Variants in BTRC observed in about 807,000 individuals in gnomAD.
BTRC encodes the protein F-box/WD repeat-containing protein 1A.
Under a neutral mutation model 85.5 loss-of-function variants are expected in BTRC, and 42 were observed. The ratio of observed to expected loss-of-function variants is 0.49; its 90% CI spans 0.38 to 0.64. The LOEUF is 0.64. BTRC is among the 30% of genes least tolerant of loss of function. The probability of loss-of-function intolerance (pLI) is 0.00; values close to 1 mark genes in which losing one functional copy is unlikely to be tolerated. For synonymous variants in BTRC, 255 were observed against 263.3 expected, an observed-to-expected ratio of 0.97 and a Z score of 0.30; for missense variants, 594 against 743.5, an observed-to-expected ratio of 0.80 and a Z score of 2.34.
intron 1 of BTRC, among the ~76,000 whole-genome samples, chr10:101,412,500 A>G (rs1943808590): frequency 6.6e-6 from 1 of 152,234 alleles, no homozygotes; most frequent in Non-Finnish European, 1.5e-5. Flanking sequence ...GTAGGAAGAT[A>G]AGTTTGATAC....
intron 2 of BTRC, among the ~76,000 whole-genome samples, chr10:101,432,953 T>G (rs562401828): frequency 1.3e-5 from 2 of 152,318 alleles, no homozygotes; most frequent in African/African-American, 2.4e-5. Context: ...CATGGCTGAC[T>G]TCTAGTCTCT....
intron 1 of BTRC, among the ~76,000 whole-genome samples, chr10:101,429,566 T>G (rs1212079135): frequency 2.3e-5 from 3 of 131,250 alleles, no homozygotes; most frequent in Admixed American, 1.7e-4. Context: ...TTCTTCTCTC[T>G]CTCTCCTTTC....
chr10:101,411,091 G>A (rs1943765826), intron 1 of BTRC, among the ~76,000 whole-genome samples: 1 of 150,794 alleles, frequency 6.6e-6, no homozygotes, highest in South Asian at 2.1e-4. Context: ...TGCCTCCTGG[G>A]TTCAAGCAGT....
Position 101,526,017 on chromosome 10 carries a change from G to A in BTRC, c.561G>A (p.Arg187=), listed in dbSNP as rs2062186137. 6.2e-7 allele frequency: 1 copy of A among 1,612,990 alleles called. No individual in the cohort carries two copies. Among genetic ancestry groups the A allele is most frequent in the Non-Finnish European group, 8.5e-7 (1 of 1,179,316 alleles). ...QRDFITALPA[R]GLDHIAENIL... Reference sequence around the variant, plus strand: ...GCCTCCTCCCCCTACTGAAAGCTCGGGGATTGGATCATATTGCTGAGAACA... The same window carrying A: ...GCCTCCTCCCCCTACTGAAAGCTCGAGGATTGGATCATATTGCTGAGAACA... Residue 187 remains arginine (R), a synonymous_variant, in exon 6 of 15, where the codon CGG becomes CGA. Transcript: ENST00000370187.
intron 13 of BTRC, among the ~76,000 whole-genome samples, chr10:101,541,496 G>T (rs553394296): frequency 6.6e-6 from 1 of 152,110 alleles, no homozygotes; most frequent in East Asian, 1.9e-4. Flanking sequence ...TCCTGACCTC[G>T]TGATCCAGCC....
chr10:101,533,579 C>G (rs2062334161), intron 9 of BTRC, among the ~76,000 whole-genome samples: 1 of 152,102 alleles, frequency 6.6e-6, no homozygotes, highest in South Asian at 2.1e-4. Flanking sequence ...ATGACACAGC[C>G]ATTATACTGC....
At chr10:101,438,080 T>C (rs1171771813) in intron 2 of BTRC, among the ~76,000 whole-genome samples, 1 of 152,134 alleles carries the variant, frequency 6.6e-6, no homozygotes, top group East Asian at 1.9e-4. Flanking sequence ...TAACAAAAAA[T>C]TCCTGATTGG....
In BTRC at chr10:101,354,207, A is replaced by G. The variant is rs1415748825; in HGVS notation, c.27A>G (p.Gln9=). ...TGGACCCGGCCGAGGCGGTGCTGCA[A>G]GAGAAGGCACTCAAGTTTATGGTGA... is the stretch of plus-strand genomic sequence containing the variant. MDPAEAVL[Q]EKALKFMCSM... is the part of the protein sequence containing the mutation. The change falls in exon 1 of 15, where the codon CAA becomes CAG. Residue 9 remains glutamine, a synonymous_variant. Transcript: ENST00000370187. 23 of 1,549,082 alleles carry G rather than the reference A, an allele frequency of 1.5e-5. No homozygotes were observed. Among genetic ancestry groups the G allele is most frequent in the Admixed American group, 7.8e-5 (4 of 50,982 alleles).
chr10:101,550,557 C>G, intron 13 of BTRC, 142 bp from the exon 14 acceptor site: 1 of 751,542 alleles, frequency 1.3e-6, no homozygotes, highest in African/African-American at 1.7e-5. Context: ...GCTGGGATTA[C>G]AGGTGTGAGC....
chr10:101,367,093 T>C (rs1942486167), intron 1 of BTRC, among the ~76,000 whole-genome samples: 1 of 126,404 alleles, frequency 7.9e-6, no homozygotes, highest in Non-Finnish European at 1.6e-5. Context: ...TTTTTCGAGC[T>C]AGAGTCTCGC....
intron 2 of BTRC, among the ~76,000 whole-genome samples, chr10:101,460,201 G>A (rs1475170181): frequency 6.6e-6 from 1 of 151,184 alleles, no homozygotes; most frequent in African/African-American, 2.4e-5. Flanking sequence ...ATTTAATTTT[G>A]GTATTTAAAA....
chr10:101,373,992 G>A (rs1590215716), intron 1 of BTRC, among the ~76,000 whole-genome samples: 2 of 151,912 alleles, frequency 1.3e-5, no homozygotes, highest in South Asian at 2.1e-4. Context: ...CTTGGAAGGT[G>A]GAAAGCTGGG....
intron 14 of BTRC, 83 bp downstream of exon 14, chr10:101,550,974 C>T: frequency 7.6e-7 from 1 of 1,322,302 alleles, no homozygotes; most frequent in Non-Finnish European, 1.0e-6. Context: ...ATGGAACTTT[C>T]TCCTGCCGTT....
intron 2 of BTRC, among the ~76,000 whole-genome samples, chr10:101,441,308 T>C (rs1042725553): frequency 2.6e-5 from 4 of 152,238 alleles, no homozygotes; most frequent in Non-Finnish European, 5.9e-5. Context: ...TCACAGCTTA[T>C]GGGCTTTTTA....
chr10:101,410,996 C>CTTT (rs11356520), intron 1 of BTRC, among the ~76,000 whole-genome samples: 4 of 122,478 alleles, frequency 3.3e-5, no homozygotes, highest in East Asian at 2.5e-4. Flanking sequence ...ATTTCTGGCA[C>CTTT]TTTTTTTTTT....
At chr10:101,387,626 A>G (rs1180444278) in intron 1 of BTRC, among the ~76,000 whole-genome samples, 1 of 146,490 alleles carries the variant, frequency 6.8e-6, no homozygotes, top group South Asian at 2.2e-4. Context: ...TCCTGGGTTC[A>G]AGCGATTCTC....
chr10:101,518,463 T>C (rs1224593843), intron 4 of BTRC, among the ~76,000 whole-genome samples: 1 of 152,224 alleles, frequency 6.6e-6, no homozygotes, highest in Non-Finnish European at 1.5e-5. Context: ...AGTCCCAGAA[T>C]GGAATGCAAC....
At chr10:101,486,026 A>G (rs1404002740) in intron 4 of BTRC, among the ~76,000 whole-genome samples, 1 of 152,160 alleles carries the variant, frequency 6.6e-6, no homozygotes, top group African/African-American at 2.4e-5. Flanking sequence ...GCGGGGCTGT[A>G]ATTGCATTGT....
chr10:101,362,027 C>T (rs987090624), intron 1 of BTRC, among the ~76,000 whole-genome samples: 3 of 152,156 alleles, frequency 2.0e-5, no homozygotes, highest in Admixed American at 1.3e-4. Context: ...GTGGCATGAT[C>T]TCAGCTCACT....
Sources: gnomAD v4.1 joint callset for allele counts (sites outside exome capture counted in the v4.1 genomes callset) on GRCh38, gnomAD v4.1.1 for gene constraint, MANE v1.5 for transcripts, NCBI Gene and HGNC (gene_info 2026-07-23, HGNC 2026-07-21) for gene names.